Variants in CFTR observed in about 807,000 individuals in gnomAD.
The protein encoded by CFTR is cystic fibrosis transmembrane conductance regulator.
CFTR carries 181 observed loss-of-function variants against 171.6 expected under a neutral mutation model. The observed-to-expected ratio is 1.05, with a 90% CI of 0.93 to 1.19. CFTR has a LOEUF of 1.19. Ranked by LOEUF, CFTR falls within the 50% of genes most tolerant of loss-of-function variation. The pLI is 0.00. For missense variants in CFTR, 1,968 were observed against 1,734.7 expected (o/e 1.13, Z -2.39); for synonymous variants, 583 against 608.0 (o/e 0.96, Z 0.60).
intron 10 of CFTR, among the ~76,000 whole-genome samples, chr7:117,550,881 A>G (rs1204339874): frequency 6.6e-6 from 1 of 152,232 alleles, no homozygotes; most frequent in East Asian, 1.9e-4. Flanking sequence ...GGAGTTTACT[A>G]ACTCAATCTA....
chr7:117,612,047 A>ATATG (rs1792412806), intron 20 of CFTR, among the ~76,000 whole-genome samples: 2 of 75,982 alleles, frequency 2.6e-5, no homozygotes, highest in African/African-American at 6.0e-5. Context: ...ATATATATAT[A>ATATG]TATATACATA....
At position 117,661,140 on chromosome 7, in the gene CFTR, T is replaced by C. The variant is rs898065176; in HGVS notation, c.3964-3548T>C. On this transcript the variant is annotated intron_variant, in intron 24 of 26. Coordinates refer to ENST00000003084, the MANE Select transcript of CFTR (RefSeq NM_000492.4). ...ACCTATTAGCATGTCTGGCAGAAAA[T>C]AGATACTTAATAAATTTCTTAAATG... 2.0e-5 allele frequency among the ~76,000 whole-genome samples: 3 copies of C among 152,224 alleles called. No individual in the cohort carries two copies. In the East Asian group the frequency reaches 5.8e-4, roughly 29 times the overall value.
At position 117,622,674 on chromosome 7, in the gene CFTR, G is replaced by A. The variant is rs35003674; in HGVS notation, c.3469-4848G>A. Among the ~76,000 whole-genome samples the A allele has an allele frequency of 6.8e-3, 1,030 of 152,262 alleles. 38 individuals are homozygous for A. Among genetic ancestry groups the A allele is most frequent in the Admixed American group, 0.061 (928 of 15,284 alleles). On this transcript the variant is annotated intron_variant, in intron 21 of 26. Coordinates refer to ENST00000003084, the MANE Select transcript of CFTR (RefSeq NM_000492.4). The stretch of plus-strand genomic sequence containing the variant: ...GGGTATGATGGCACATAGTTTGGGT[G>A]TTAATGCCTAATCTTGATGTACTGG...
In CFTR at chr7:117,633,906, T is replaced by C. The variant is rs550141314; in HGVS notation, c.3717+6136T>C. ...CATGTTGAGTTCGATTTGCTAATAC[T>C]TTTTGAGAATTTTTGCATTGGTGTT... On this transcript the variant is annotated intron_variant, in intron 22 of 26. Coordinates refer to ENST00000003084, the MANE Select transcript of CFTR (RefSeq NM_000492.4). Among the ~76,000 whole-genome samples, 21 of 152,220 alleles carry C rather than the reference T, an allele frequency of 1.4e-4. No homozygotes were observed. In the East Asian group the frequency reaches 3.3e-3, roughly 24 times the overall value.
At chr7:117,503,761 C>T (rs1381678062) in intron 1 of CFTR, among the ~76,000 whole-genome samples, 1 of 152,168 alleles carries the variant, frequency 6.6e-6, no homozygotes, top group Non-Finnish European at 1.5e-5. Context: ...TGGCTATAGT[C>T]ATTCTTTCAA....
At chr7:117,534,178 T>C in intron 4 of CFTR, 98 bp from the exon 5 acceptor site, 2 of 669,954 alleles carry the variant, frequency 3.0e-6, no homozygotes, top group Admixed American at 4.4e-5. Context: ...TACTTAATAA[T>C]GAATGCATAA....
intron 10 of CFTR, among the ~76,000 whole-genome samples, chr7:117,556,606 G>A (rs1238351894): frequency 3.3e-5 from 4 of 119,492 alleles, no homozygotes; most frequent in Non-Finnish European, 4.9e-5. Flanking sequence ...TGCAAGCTCC[G>A]CCTCCCGGGT....
intron 21 of CFTR, among the ~76,000 whole-genome samples, chr7:117,618,936 T>C (rs1243200533): frequency 6.6e-6 from 1 of 152,236 alleles, no homozygotes; most frequent in East Asian, 1.9e-4. Flanking sequence ...GTTATTTCAA[T>C]TGATATCTCA....
intron 24 of CFTR, among the ~76,000 whole-genome samples, chr7:117,658,583 A>G (rs994494530): frequency 6.6e-6 from 1 of 152,114 alleles, no homozygotes; most frequent in African/African-American, 2.4e-5. Context: ...CCTTATGTCA[A>G]TAAGTGAGTT....
intron 16 of CFTR, 91 bp from the exon 17 acceptor site, chr7:117,603,441 A>G: frequency 7.0e-7 from 1 of 1,434,570 alleles, no homozygotes; most frequent in Non-Finnish European, 9.7e-7. Flanking sequence ...TATTGTATTT[A>G]TTTAGACTCA....
Position 117,535,327 on chromosome 7 carries a change from A to C in CFTR, c.659A>C (p.Gln220Pro), listed in dbSNP as rs397508779. The change falls in exon 6 of 27, where the codon CAG (glutamine) becomes CCG (proline). Residue 220 changes from glutamine to proline, a missense_variant. Coordinates refer to ENST00000003084, the MANE Select transcript of CFTR (RefSeq NM_000492.4). ...LLMGLIWELL[Q>P]ASAFCGLGFL... ...ATGGGGCTAATCTGGGAGTTGTTAC[A>C]GGCGTCTGCCTTCTGTGGACTTGGT... 7 of 1,613,966 alleles carry C rather than the reference A, an allele frequency of 4.3e-6. No individual in the cohort carries two copies. The highest frequency in any genetic ancestry group is 5.9e-6 in the Non-Finnish European group (7 of 1,179,980).
At chr7:117,534,190 A>T in intron 4 of CFTR, 86 bp from the exon 5 acceptor site, 1 of 696,700 alleles carries the variant, frequency 1.4e-6, no homozygotes, top group Non-Finnish European at 2.6e-6. Context: ...AATGCATAAT[A>T]ACTGAATTAG....
intron 12 of CFTR, 64 bp downstream of exon 12, chr7:117,587,897 C>T: frequency 2.0e-6 from 2 of 1,008,794 alleles, no homozygotes; most frequent in Non-Finnish European, 3.1e-6. Flanking sequence ...AAAAAAATTA[C>T]AGACATTTCT....
intron 4 of CFTR, among the ~76,000 whole-genome samples, chr7:117,532,430 A>T (rs573376940): frequency 6.6e-6 from 1 of 152,334 alleles, no homozygotes; most frequent in South Asian, 2.1e-4. Flanking sequence ...CTTATGGATA[A>T]GTAAACTAAG....
rs561087122 is a variant in CFTR at position 117,541,262 on chromosome 7, A to G, written c.1117-754A>G. On this transcript the variant is annotated intron_variant, in intron 8 of 26. Coordinates refer to ENST00000003084, the MANE Select transcript of CFTR (RefSeq NM_000492.4). ...AGAAATAGAGAGAGAGAGAGAGAGA[A>G]AGAAAGAAGAAGAAACAGATCTGGG... 2.9e-4 allele frequency among the ~76,000 whole-genome samples: 44 copies of G among 151,938 alleles called. 1 individual carries two copies. The East Asian group carries it at 5.4e-3, about 19-fold the overall frequency.
chr7:117,491,601 A>C (rs984267150), intron 1 of CFTR, among the ~76,000 whole-genome samples: 4 of 151,954 alleles, frequency 2.6e-5, no homozygotes, highest in South Asian at 2.1e-4. Flanking sequence ...TCCTTGACTT[A>C]CAGAGGCATC....
chr7:117,595,821 G>C (rs1458873625), intron 15 of CFTR, among the ~76,000 whole-genome samples: 1 of 152,186 alleles, frequency 6.6e-6, no homozygotes, highest in African/African-American at 2.4e-5. Flanking sequence ...GGGAGGTCAA[G>C]GCTGCCCTGA....
intron 11 of CFTR, among the ~76,000 whole-genome samples, chr7:117,574,016 T>C (rs1791733734): frequency 6.6e-6 from 1 of 152,034 alleles, no homozygotes; most frequent in South Asian, 2.1e-4. Context: ...TACTGCTTTT[T>C]AAAAAAATTA....
At chr7:117,531,743 A>G (rs1362118190) in intron 4 of CFTR, among the ~76,000 whole-genome samples, 3 of 152,138 alleles carry the variant, frequency 2.0e-5, no homozygotes, top group Non-Finnish European at 4.4e-5. Context: ...ACATTTAGCT[A>G]CCTTACAACC....
Sources: allele counts gnomAD v4.1 joint callset (sites outside exome capture counted in the v4.1 genomes callset), GRCh38; gene constraint gnomAD v4.1.1; transcripts MANE v1.5; gene names NCBI Gene and HGNC (gene_info 2026-07-23, HGNC 2026-07-21).